SULT1B1: variants seen among roughly 807,000 people sequenced by gnomAD.
SULT1B1 encodes sulfotransferase family 1B member 1.
Under a neutral mutation model 34.6 loss-of-function variants are expected in SULT1B1, and 28 were observed. The observed-to-expected ratio is 0.81, with a 90% CI of 0.60 to 1.11. The LOEUF is 1.11. Ranked by LOEUF, SULT1B1 falls within the 50% of genes least tolerant of loss-of-function variation. The pLI, the probability that SULT1B1 is intolerant of heterozygous loss-of-function variation, is 0.00. For missense variants in SULT1B1, 374 were observed against 352.2 expected (o/e 1.06, Z -0.50); for synonymous variants, 147 against 110.2 (o/e 1.33, Z -2.09).
At chr4:69,735,745 A>G (rs1212563964) in intron 4 of SULT1B1, among the ~76,000 whole-genome samples, 2 of 152,236 alleles carry the variant, frequency 1.3e-5, no homozygotes, top group African/African-American at 2.4e-5. Flanking sequence ...TATCTGACAA[A>G]GATTTAAAGT....
intron 4 of SULT1B1, among the ~76,000 whole-genome samples, chr4:69,745,971 T>C (rs1718732058): frequency 6.6e-6 from 1 of 152,210 alleles, no homozygotes; most frequent in African/African-American, 2.4e-5. Context: ...TATGAAGCAG[T>C]TTGACTGGAT....
In SULT1B1 at chr4:69,722,358, T is replaced by C. The variant is rs1717683797; in HGVS notation, c.*4730A>G. The C allele has an allele frequency of 6.6e-6, 1 of 152,092 alleles. No individual in the cohort carries two copies. Among genetic ancestry groups the C allele is most frequent in the African/African-American group, 2.4e-5 (1 of 41,430 alleles). The allele number at this position is 152,092 out of a possible 1,614,324, so 9.4% of individuals were successfully genotyped here. A position where few individuals can be genotyped will look rare whatever the true frequency, so the allele number is the denominator to read the frequency against. On this transcript the variant is annotated 3_prime_UTR_variant, in exon 8 of 8. Transcript: ENST00000310613. ...AGATTAGAGGATAGTTTAGTGGTGT[T>C]TTTTCCCTCAGTAATAGACCATAGT...
intron 1 of SULT1B1, chr4:69,758,366 G>A (rs1447799053): frequency 1.0e-6 from 1 of 985,260 alleles, no homozygotes; most frequent in African/African-American, 1.7e-5. Context: ...AGGAATCAGA[G>A]TCCACAGAAG....
chr4:69,734,405 G>T, intron 4 of SULT1B1, 141 bp from the exon 5 acceptor site: 1 of 781,038 alleles, frequency 1.3e-6, no homozygotes, highest in Non-Finnish European at 2.0e-6. Flanking sequence ...TCTATTAACA[G>T]CTAAAATATA....
chr4:69,750,461 T>C (rs982532738), intron 3 of SULT1B1, among the ~76,000 whole-genome samples: 5 of 152,294 alleles, frequency 3.3e-5, no homozygotes, highest in Middle Eastern at 3.4e-3. Context: ...AGATAGATGA[T>C]ACATAAACTT....
rs1173896102 is a variant in SULT1B1, at chr4:69,725,780, C to A, written c.*1308G>T. 1 of 151,378 alleles carries A rather than the reference C, an allele frequency of 6.6e-6. No individual in the cohort carries two copies. The highest frequency in any genetic ancestry group is 2.4e-5 in the African/African-American group (1 of 41,196). The allele number at this position is 151,378 out of a possible 1,614,324, so 9.4% of individuals were successfully genotyped here. A position where few individuals can be genotyped will look rare whatever the true frequency, so the allele number is the denominator to read the frequency against. On this transcript the variant is annotated 3_prime_UTR_variant, in exon 8 of 8. Transcript: ENST00000310613. ...GCAAACTATTGCAAGAACAAAAAAA[C>A]CAAACACCTCATGTTCTTAGTCATT... is the stretch of plus-strand genomic sequence containing the variant.
In SULT1B1 at chr4:69,726,316, A is replaced by G. The variant is rs1212020206; in HGVS notation, c.*772T>C. Reference sequence around the variant, plus strand: ...TAAGATTAAGTAACTGAAGTTCCCAAATGGTGACCAGAACACAGCAGTAGG... The same window carrying G: ...TAAGATTAAGTAACTGAAGTTCCCAGATGGTGACCAGAACACAGCAGTAGG... On this transcript the variant is annotated 3_prime_UTR_variant, in exon 8 of 8. Coordinates refer to ENST00000310613, the MANE Select transcript of SULT1B1 (RefSeq NM_014465.4). 3.3e-5 allele frequency: 5 copies of G among 151,358 alleles called. No homozygotes were observed. In the East Asian group the frequency reaches 9.8e-4, roughly 30 times the overall value. The allele number at this position is 151,358 out of a possible 1,614,324, so 9.4% of individuals were successfully genotyped here.
chr4:69,750,289 A>G (rs941250014), intron 3 of SULT1B1, among the ~76,000 whole-genome samples: 35 of 152,120 alleles, frequency 2.3e-4, no homozygotes, highest in African/African-American at 8.4e-4. Context: ...TTTGTATATA[A>G]TATCAGCTGT....
chr4:69,750,790 A>G (rs1718949758), intron 3 of SULT1B1, among the ~76,000 whole-genome samples: 2 of 152,190 alleles, frequency 1.3e-5, no homozygotes, highest in African/African-American at 2.4e-5. Flanking sequence ...CTAAACTTAG[A>G]CTAAAATGGA....
At chr4:69,735,375 G>A (rs1172090122) in intron 4 of SULT1B1, among the ~76,000 whole-genome samples, 1 of 152,216 alleles carries the variant, frequency 6.6e-6, no homozygotes, top group East Asian at 1.9e-4. Flanking sequence ...GAAAGAGGAA[G>A]CCCAACAGAG....
At chr4:69,753,674 T>A (rs1024875179) in intron 3 of SULT1B1, among the ~76,000 whole-genome samples, 17 of 152,212 alleles carry the variant, frequency 1.1e-4, no homozygotes, top group African/African-American at 3.9e-4. Context: ...TAATCTCAAT[T>A]TGGAGTAGAT....
Position 69,730,622 on chromosome 4 carries a change from C to T in SULT1B1, c.657G>A (p.Glu219=), listed in dbSNP as rs546925597. Residue 219 remains glutamate (E), a synonymous_variant, in exon 7 of 8, where the codon GAG becomes GAA. Coordinates refer to ENST00000310613, the MANE Select transcript of SULT1B1 (RefSeq NM_014465.4). ...IRFLEKNLND[E]ILDRIIHHTS... ...TGTGATGGATGATCCTATCCAAGAT[C>T]TCATCATTCAGGTTCTTCTCTAGAA... 3.3e-5 allele frequency: 53 copies of T among 1,613,122 alleles called. No homozygotes were observed. Among genetic ancestry groups the T allele is most frequent in the Non-Finnish European group, 4.2e-5 (50 of 1,179,684 alleles).
chr4:69,750,801 G>C (rs1194524031), intron 3 of SULT1B1, among the ~76,000 whole-genome samples: 4 of 152,118 alleles, frequency 2.6e-5, no homozygotes, highest in African/African-American at 9.7e-5. Flanking sequence ...CTAAAATGGA[G>C]ATTTCATAAG....
At chr4:69,748,732 G>C (rs541743355) in intron 4 of SULT1B1, among the ~76,000 whole-genome samples, 1 of 152,194 alleles carries the variant, frequency 6.6e-6, no homozygotes, top group African/African-American at 2.4e-5. Context: ...CAAACACTTA[G>C]AAGTTAAATC....
At chr4:69,745,577 T>C (rs940771624) in intron 4 of SULT1B1, among the ~76,000 whole-genome samples, 2 of 152,226 alleles carry the variant, frequency 1.3e-5, no homozygotes, top group South Asian at 4.1e-4. Context: ...TCCATCCCTT[T>C]ACTTTGAGAC....
chr4:69,736,775 A>T (rs570401226), intron 4 of SULT1B1, among the ~76,000 whole-genome samples: 1 of 152,206 alleles, frequency 6.6e-6, no homozygotes, highest in Non-Finnish European at 1.5e-5. Context: ...GCAAACATAA[A>T]GGTATATCAA....
chr4:69,737,114 G>A (rs1718350429), intron 4 of SULT1B1, among the ~76,000 whole-genome samples: 1 of 151,694 alleles, frequency 6.6e-6, no homozygotes. Flanking sequence ...CAGATATACA[G>A]CACATTGCAT....
At chr4:69,736,618 A>G (rs1718325288) in intron 4 of SULT1B1, among the ~76,000 whole-genome samples, 1 of 152,202 alleles carries the variant, frequency 6.6e-6, no homozygotes, top group South Asian at 2.1e-4. Flanking sequence ...ATTTAAAATA[A>G]ATGAAAAAAT....
At chr4:69,751,703 C>T (rs1371756821) in intron 3 of SULT1B1, among the ~76,000 whole-genome samples, 1 of 152,192 alleles carries the variant, frequency 6.6e-6, no homozygotes, top group Non-Finnish European at 1.5e-5. Context: ...CCACCCGCCT[C>T]GACCTCCCAA....
Sources: allele counts gnomAD v4.1 joint callset (sites outside exome capture counted in the v4.1 genomes callset), GRCh38; gene constraint gnomAD v4.1.1; transcripts MANE v1.5; gene names NCBI Gene and HGNC (gene_info 2026-07-23, HGNC 2026-07-21).